Variants in MTCL2 observed in about 807,000 individuals in gnomAD.
MTCL2 encodes the protein microtubule cross-linking factor 2.
At chr20:36,796,919 C>G in the MTCL2 span, 409 of 1,614,002 alleles carry the variant, frequency 2.5e-4, 5 homozygotes, top group South Asian at 4.3e-3. Flanking sequence ...ACTTCGGAAA[C>G]AGCCTCCTTG....
At chr20:36,825,451 T>A in the MTCL2 span, among the ~76,000 whole-genome samples, 1 of 152,172 alleles carries the variant, frequency 6.6e-6, no homozygotes, top group Non-Finnish European at 1.5e-5. Context: ...AGCTATACCA[T>A]AATAAATCAC....
chr20:36,808,813 G>A, the MTCL2 span: 2 of 1,390,666 alleles, frequency 1.4e-6, no homozygotes, highest in Non-Finnish European at 1.9e-6. Context: ...TGGGCCCCTG[G>A]ACAGGGGCAG....
the MTCL2 span, among the ~76,000 whole-genome samples, chr20:36,788,775 CCTCT>C: frequency 6.6e-6 from 1 of 151,912 alleles, no homozygotes; most frequent in Non-Finnish European, 1.5e-5. Flanking sequence ...GATTTCCTCC[CCTCT>C]CTCTTTTTTT....
chr20:36,786,897 T>G, the MTCL2 span, among the ~76,000 whole-genome samples: 2 of 152,200 alleles, frequency 1.3e-5, no homozygotes, highest in Non-Finnish European at 2.9e-5. Flanking sequence ...GCCAAAGAGA[T>G]TCTTAACATA....
At chr20:36,848,301 C>T in the MTCL2 span, among the ~76,000 whole-genome samples, 1 of 152,312 alleles carries the variant, frequency 6.6e-6, no homozygotes, top group East Asian at 1.9e-4. Flanking sequence ...CTGTCCACCC[C>T]CTGCCAAACC....
chr20:36,801,713 C>T, the MTCL2 span, among the ~76,000 whole-genome samples: 21 of 152,124 alleles, frequency 1.4e-4, no homozygotes, highest in African/African-American at 5.1e-4. Context: ...TGCCTGTAAT[C>T]CCAGCACTTT....
At chr20:36,863,477 A>T in the MTCL2 span, 2 of 593,842 alleles carry the variant, frequency 3.4e-6, no homozygotes, top group Non-Finnish European at 4.5e-6. The surrounding 1 kb of genome is among the most constrained non-coding windows in gnomAD (Gnocchi z 6.2). Flanking sequence ...CGGCCCCGAC[A>T]CCGCGTCCCC....
At chr20:36,793,366 C>G in the MTCL2 span, 1 of 1,551,784 alleles carries the variant, frequency 6.4e-7, no homozygotes, top group Non-Finnish European at 8.7e-7. This position sits in a 1 kb window ranked among gnomAD's most constrained non-coding sequence, Gnocchi z 6.8. Flanking sequence ...CCTTCTTGTT[C>G]AGGATCCTGG....
the MTCL2 span, among the ~76,000 whole-genome samples, chr20:36,798,579 G>A: frequency 7.2e-5 from 11 of 152,310 alleles, no homozygotes; most frequent in East Asian, 1.9e-4. Context: ...AATTAGAACC[G>A]AATCACTGCC....
At chr20:36,797,664 T>A in the MTCL2 span, 1 of 1,226,240 alleles carries the variant, frequency 8.2e-7, no homozygotes, top group Non-Finnish European at 1.2e-6. Flanking sequence ...GACTCCACTC[T>A]GCAGCCCACA....
At chr20:36,832,219 T>G in the MTCL2 span, among the ~76,000 whole-genome samples, 3 of 152,176 alleles carry the variant, frequency 2.0e-5, no homozygotes, top group African/African-American at 7.2e-5. Flanking sequence ...TGCCCTCAAA[T>G]GCCAACCCCA....
At chr20:36,794,566 T>C in the MTCL2 span, 1 of 1,614,010 alleles carries the variant, frequency 6.2e-7, no homozygotes, top group Non-Finnish European at 8.5e-7. This position sits in a 1 kb window ranked among gnomAD's most constrained non-coding sequence, Gnocchi z 5.4. Flanking sequence ...CGAGCAAACT[T>C]TCAAACTCAG....
the MTCL2 span, chr20:36,862,636 C>T: frequency 6.7e-7 from 1 of 1,487,552 alleles, no homozygotes; most frequent in South Asian, 1.3e-5. Flanking sequence ...TGCGACCTCC[C>T]TTTCTACCCG....
the MTCL2 span, chr20:36,794,079 A>G: frequency 6.4e-7 from 1 of 1,551,236 alleles, no homozygotes; most frequent in South Asian, 1.2e-5. This position sits in a 1 kb window ranked among gnomAD's most constrained non-coding sequence, Gnocchi z 5.4. Context: ...GACATCTCAA[A>G]GTCATGCAGG....
At chr20:36,805,778 GCAGTAGGAAT>G in the MTCL2 span, 1 of 1,269,744 alleles carries the variant, frequency 7.9e-7, no homozygotes, top group Non-Finnish European at 1.1e-6. Context: ...GTCAGAGAAA[GCAGTAGGAAT>G]TGATTACTGA....
chr20:36,781,683 A>G, the MTCL2 span: 7 of 151,282 alleles, frequency 4.6e-5, no homozygotes, highest in African/African-American at 1.5e-4. Context: ...CCCTGTCTCT[A>G]AAAATAATAA....
At chr20:36,860,598 A>T in the MTCL2 span, among the ~76,000 whole-genome samples, 1 of 152,162 alleles carries the variant, frequency 6.6e-6, no homozygotes, top group Non-Finnish European at 1.5e-5. Context: ...GTGCACATGG[A>T]AACATGTCCC....
the MTCL2 span, among the ~76,000 whole-genome samples, chr20:36,798,851 GA>G: frequency 1.3e-5 from 2 of 152,086 alleles, no homozygotes; most frequent in Non-Finnish European, 2.9e-5. Flanking sequence ...TGTTTGCATT[GA>G]AAGTCCCATG....
At chr20:36,804,702 A>C in the MTCL2 span, 20 of 1,604,514 alleles carry the variant, frequency 1.2e-5, no homozygotes, top group Non-Finnish European at 1.7e-5. Flanking sequence ...GCTGAGAGTA[A>C]GGGGAGAGGC....
Sources: gnomAD v4.1 joint callset for allele counts (sites outside exome capture counted in the v4.1 genomes callset) on GRCh38, gnomAD v4.1.1 for gene constraint, Gnocchi (gnomAD v3.1) non-coding constraint, MANE v1.5 for transcripts, NCBI Gene and HGNC (gene_info 2026-07-23, HGNC 2026-07-21) for gene names.